The following DLC1 variants were observed in gnomAD, a reference collection of about 807,000 sequenced individuals.
DLC1 encodes rho GTPase-activating protein 7.
In DLC1, 54 loss-of-function variants were observed where a neutral mutation model predicts 140.3. That is an observed-to-expected ratio of 0.38 (90% confidence interval 0.31 to 0.48). The LOEUF is 0.48. DLC1 is among the 20% of genes least tolerant of loss of function. The pLI is 0.96. For synonymous variants in DLC1, 986 were observed against 728.1 expected (o/e 1.35, Z -5.70); for missense variants, 2,536 against 1,907.0 (o/e 1.33, Z -6.14).
chr8:13,413,625 T>C (rs145044718), intron 2 of DLC1, among the ~76,000 whole-genome samples: 397 of 152,024 alleles, frequency 2.6e-3, no homozygotes, highest in Non-Finnish European at 3.8e-3. Context: ...TGGGAGGTAA[T>C]TGGATCATGG....
intron 5 of DLC1, among the ~76,000 whole-genome samples, chr8:13,238,661 G>A (rs555096405): frequency 1.3e-5 from 2 of 152,276 alleles, no homozygotes; most frequent in African/African-American, 4.8e-5. Flanking sequence ...GGCGATCTGA[G>A]GATCAGCCTA....
intron 1 of DLC1, among the ~76,000 whole-genome samples, chr8:13,563,954 T>C (rs1804335288): frequency 6.6e-6 from 1 of 152,174 alleles, no homozygotes; most frequent in African/African-American, 2.4e-5. Context: ...TAGATTTTAA[T>C]TAAGAAATTC....
chr8:13,267,115 C>T (rs1830718614), intron 5 of DLC1, among the ~76,000 whole-genome samples: 1 of 152,204 alleles, frequency 6.6e-6, no homozygotes, highest in South Asian at 2.1e-4. Flanking sequence ...AAGATGTTTC[C>T]AGTGCAGCCT....
intron 5 of DLC1, among the ~76,000 whole-genome samples, chr8:13,142,430 G>A (rs1462739187): frequency 6.6e-6 from 1 of 151,992 alleles, no homozygotes; most frequent in African/African-American, 2.4e-5. Context: ...ATATATTAAG[G>A]CAAAAACAAC....
At chr8:13,488,473 C>A (rs1246775238) in intron 2 of DLC1, among the ~76,000 whole-genome samples, 2 of 152,052 alleles carry the variant, frequency 1.3e-5, no homozygotes, top group African/African-American at 4.8e-5. Flanking sequence ...CCTGAAATTA[C>A]GTAGCTAAAA....
intron 1 of DLC1, among the ~76,000 whole-genome samples, chr8:13,555,660 AT>A (rs551600787): frequency 0.023 from 3,283 of 140,140 alleles, 110 homozygotes; most frequent in African/African-American, 0.074. Context: ...CCTAGCTATT[AT>A]TTTTTTTTTT....
At chr8:13,422,234 T>G (rs1175944438) in intron 2 of DLC1, among the ~76,000 whole-genome samples, 1 of 152,182 alleles carries the variant, frequency 6.6e-6, no homozygotes, top group East Asian at 1.9e-4. Flanking sequence ...GTAATCTTTC[T>G]GTGTTTTCAA....
intron 1 of DLC1, among the ~76,000 whole-genome samples, chr8:13,546,101 G>C (rs913997542): frequency 6.6e-6 from 1 of 151,960 alleles, no homozygotes; most frequent in African/African-American, 2.4e-5. Context: ...GTCAAAAAAA[G>C]TTTTTAAAAT....
chr8:13,360,346 A>T (rs1835163993), intron 4 of DLC1, among the ~76,000 whole-genome samples: 1 of 152,202 alleles, frequency 6.6e-6, no homozygotes, highest in Non-Finnish European at 1.5e-5. Flanking sequence ...AAACCAACTG[A>T]AATCAGAAAT....
rs1444515064 is a variant in DLC1, at chr8:13,588,727, C to T, written c.-126+15810G>A. Among the ~76,000 whole-genome samples the T allele has an allele frequency of 4.6e-5, 7 of 152,078 alleles. No individual in the cohort carries two copies. The East Asian group carries it at 1.3e-3, about 29-fold the overall frequency. On this transcript the variant is annotated intron_variant, in intron 1 of 1. Coordinates refer to the DLC1 transcript ENST00000631382. ...TATGGCTACTTGACTATCTCAGCAG[C>T]TGTCTTCTCAAAGACTAAAGATATA...
At chr8:13,346,749 C>G (rs1834360280) in intron 4 of DLC1, among the ~76,000 whole-genome samples, 1 of 152,126 alleles carries the variant, frequency 6.6e-6, no homozygotes, top group Non-Finnish European at 1.5e-5. Flanking sequence ...TTATTTCAAG[C>G]CCCTGTTATT....
chr8:13,317,230 G>C (rs1319351431), intron 4 of DLC1, among the ~76,000 whole-genome samples: 1 of 152,142 alleles, frequency 6.6e-6, no homozygotes, highest in African/African-American at 2.4e-5. Context: ...TTAGCAATAA[G>C]CCACATTTTT....
At chr8:13,509,877 G>A (rs1360484872) in intron 1 of DLC1, among the ~76,000 whole-genome samples, 1 of 152,000 alleles carries the variant, frequency 6.6e-6, no homozygotes, top group Non-Finnish European at 1.5e-5. Flanking sequence ...TCTGTAATGG[G>A]AATAATGAAA....
chr8:13,518,022 G>C (rs573240014), upstream of DLC1, among the ~76,000 whole-genome samples: 74 of 152,264 alleles, frequency 4.9e-4, no homozygotes, highest in Non-Finnish European at 5.4e-4. Context: ...AACCGTTATA[G>C]TGGTGGAACA....
At chr8:13,551,075 C>CACACACACACTTTT (rs71207163) in intron 1 of DLC1, among the ~76,000 whole-genome samples, 2 of 121,718 alleles carry the variant, frequency 1.6e-5, no homozygotes, top group African/African-American at 3.0e-5. Flanking sequence ...CACACACACA[C>CACACACACACTTTT]TTTTTTTTTT....
intron 2 of DLC1, among the ~76,000 whole-genome samples, chr8:13,456,797 C>T (rs1413688390): frequency 1.3e-5 from 2 of 152,152 alleles, no homozygotes; most frequent in African/African-American, 4.8e-5. Context: ...GGTTTGAATG[C>T]TGAGATCAGC....
intron 5 of DLC1, among the ~76,000 whole-genome samples, chr8:13,166,451 C>T (rs1338233486): frequency 6.6e-6 from 1 of 152,154 alleles, no homozygotes; most frequent in Admixed American, 6.5e-5. Context: ...AGCTATTCTC[C>T]TGCCTCAACC....
chr8:13,219,550 A>G (rs965669525), intron 5 of DLC1, among the ~76,000 whole-genome samples: 9 of 151,218 alleles, frequency 6.0e-5, no homozygotes, highest in East Asian at 1.9e-4. Flanking sequence ...ATATTTATAC[A>G]TCTAAATTCT....
intron 5 of DLC1, among the ~76,000 whole-genome samples, chr8:13,171,810 C>G (rs1477730454): frequency 2.0e-5 from 3 of 152,160 alleles, no homozygotes; most frequent in African/African-American, 7.2e-5. Context: ...AGGCTCAAAA[C>G]CCTTGGGGAC....
Sources: gnomAD v4.1 joint callset for allele counts (sites outside exome capture counted in the v4.1 genomes callset) on GRCh38, gnomAD v4.1.1 for gene constraint, MANE v1.5 for transcripts, NCBI Gene and HGNC (gene_info 2026-07-23, HGNC 2026-07-21) for gene names.